Variants in BTG4 observed in about 807,000 individuals in gnomAD.
BTG4 encodes protein BTG4.
In BTG4, 10 loss-of-function variants were observed where a neutral mutation model predicts 19.3. The observed-to-expected ratio is 0.52, with a 90% CI of 0.32 to 0.88. The LOEUF (loss-of-function observed/expected upper bound fraction) is 0.88, where lower values mean the gene tolerates loss of function less well. Ranked by LOEUF, BTG4 falls within the 40% of genes least tolerant of loss-of-function variation. The pLI, the probability that BTG4 is intolerant of heterozygous loss-of-function variation, is 0.04. For synonymous variants in BTG4, 91 were observed against 95.7 expected (o/e 0.95, Z 0.29); for missense variants, 238 against 281.9 (o/e 0.84, Z 1.11).
the BTG4 span, among the ~76,000 whole-genome samples, chr11:111,437,736 C>T: frequency 1.1e-4 from 16 of 152,200 alleles, no homozygotes; most frequent in Non-Finnish European, 1.6e-4. Flanking sequence ...TCCCTCCACT[C>T]CTAGGCGACA....
the BTG4 span, among the ~76,000 whole-genome samples, chr11:111,420,310 G>T: frequency 6.6e-6 from 1 of 152,168 alleles, no homozygotes; most frequent in Non-Finnish European, 1.5e-5. Flanking sequence ...TCCACAGCAG[G>T]GTAGACCAAT....
chr11:111,445,489 C>T, the BTG4 span, among the ~76,000 whole-genome samples: 1,417 of 152,284 alleles, frequency 9.3e-3, 16 homozygotes, highest in Non-Finnish European at 0.015. Context: ...TTGTTATATA[C>T]GTGGCCCTAT....
chr11:111,472,227 C>G (rs1188981108), intron 5 of BTG4, among the ~76,000 whole-genome samples: 1 of 152,218 alleles, frequency 6.6e-6, no homozygotes, highest in Non-Finnish European at 1.5e-5. Flanking sequence ...ATATCTCACT[C>G]TCTTACCTAC....
chr11:111,471,067 A>G (rs932939418), intron 5 of BTG4, among the ~76,000 whole-genome samples: 1 of 152,236 alleles, frequency 6.6e-6, no homozygotes, highest in South Asian at 2.1e-4. Context: ...ACAAGAACAT[A>G]TCATGTTTCA....
the BTG4 span, among the ~76,000 whole-genome samples, chr11:111,442,033 T>A: frequency 1.3e-5 from 2 of 151,912 alleles, no homozygotes; most frequent in African/African-American, 4.8e-5. Flanking sequence ...TACTCCAGCC[T>A]GGGTGACAGA....
chr11:111,471,253 T>G (rs1451813073), intron 5 of BTG4, among the ~76,000 whole-genome samples: 1 of 152,190 alleles, frequency 6.6e-6, no homozygotes, highest in African/African-American at 2.4e-5. Context: ...TGAGACTAGA[T>G]TCTAGATTTC....
the BTG4 span, among the ~76,000 whole-genome samples, chr11:111,420,953 T>A: frequency 6.6e-6 from 1 of 152,186 alleles, no homozygotes; most frequent in African/African-American, 2.4e-5. Context: ...AGAAGGCTCC[T>A]TTGGGAAAGG....
chr11:111,514,724 G>A (rs1867149673), upstream of BTG4: 2 of 1,344,768 alleles, frequency 1.5e-6, no homozygotes, highest in South Asian at 2.6e-5. Context: ...TCTCGGAGGG[G>A]CGGGGCAGGG....
In BTG4 at chr11:111,485,489, A is replaced by G. The variant is rs552609051; in HGVS notation, c.662+9674T>C. ...TGTACAAACACATGGAAATTTTAAA[A>G]TATGCTCCTAACCGACCATGAGGTC... On this transcript the variant is annotated intron_variant, in intron 5 of 5. Coordinates refer to the BTG4 transcript ENST00000356018. Among the ~76,000 whole-genome samples the G allele has an allele frequency of 9.2e-5, 14 of 152,352 alleles. No homozygotes were observed. In the South Asian group the frequency reaches 2.9e-3, roughly 32 times the overall value.
chr11:111,453,052 C>G, the BTG4 span, among the ~76,000 whole-genome samples: 1 of 152,154 alleles, frequency 6.6e-6, no homozygotes, highest in Admixed American at 6.6e-5. Flanking sequence ...TTTCCCATGA[C>G]TGGAGCTGAG....
chr11:111,491,048 G>A (rs1865384728), downstream of BTG4, among the ~76,000 whole-genome samples: 1 of 152,164 alleles, frequency 6.6e-6, no homozygotes, highest in African/African-American at 2.4e-5. Context: ...CAACAATAAG[G>A]AATAAACTAC....
At chr11:111,484,992 G>C (rs1864969777) in intron 5 of BTG4, among the ~76,000 whole-genome samples, 1 of 152,082 alleles carries the variant, frequency 6.6e-6, no homozygotes, top group South Asian at 2.1e-4. Flanking sequence ...TAGATTTCAA[G>C]ACAAAAACTG....
At chr11:111,408,482 C>A in the BTG4 span, among the ~76,000 whole-genome samples, 12 of 152,208 alleles carry the variant, frequency 7.9e-5, no homozygotes, top group African/African-American at 2.9e-4. Context: ...GGACCACCTG[C>A]CTCCTCCAGC....
the BTG4 span, among the ~76,000 whole-genome samples, chr11:111,399,655 C>T: frequency 1.3e-5 from 2 of 152,296 alleles, no homozygotes; most frequent in South Asian, 2.1e-4. Context: ...CAGTTTTAAG[C>T]GGGCTTGGTC....
At position 111,495,111 on chromosome 11, in the gene BTG4, C is replaced by T; in HGVS notation, c.*24G>A. 6.6e-7 allele frequency: 1 copy of T among 1,507,312 alleles called. No individual in the cohort carries two copies. 93.4% of individuals were successfully genotyped at this position (1,507,312 alleles called of 1,614,324 possible). On this transcript the variant is annotated 3_prime_UTR_variant, in exon 5 of 5. Coordinates refer to ENST00000692032, the MANE Select transcript of BTG4 (RefSeq NM_001367975.1). Reference sequence around the variant, plus strand: ...ATAAAGGCACTCCTCTGAGCTCTTGCCCACCACGTGCCCAGTCGCTGCGTC... The same window carrying T: ...ATAAAGGCACTCCTCTGAGCTCTTGTCCACCACGTGCCCAGTCGCTGCGTC...
Position 111,511,091 on chromosome 11 carries a change from T to C in BTG4, c.-27+1090A>G, listed in dbSNP as rs555727219. Among the ~76,000 whole-genome samples the C allele has an allele frequency of 2.0e-5, 3 of 152,280 alleles. No homozygotes were observed. The South Asian group carries it at 6.2e-4, about 31-fold the overall frequency. On this transcript the variant is annotated intron_variant, in intron 1 of 4. Transcript: ENST00000692032. Reference sequence around the variant, plus strand: ...TATATTTAGGTGAATGTGAGTCATTTATGTAATGTGTGCTAAAACACCGTG... The same window carrying C: ...TATATTTAGGTGAATGTGAGTCATTCATGTAATGTGTGCTAAAACACCGTG...
At chr11:111,419,539 T>G in the BTG4 span, among the ~76,000 whole-genome samples, 2 of 152,216 alleles carry the variant, frequency 1.3e-5, no homozygotes, top group Non-Finnish European at 2.9e-5. Context: ...CATGTCTCCC[T>G]TGGGACTAGG....
Position 111,498,797 on chromosome 11 carries a change from G to T in BTG4, c.-21C>A. 5 of 1,587,356 alleles carry T rather than the reference G, an allele frequency of 3.1e-6. 1 individual carries two copies. In the South Asian group the frequency reaches 5.7e-5, roughly 18 times the overall value. ...CTCATGATTCAAGAAAAATAGATAA[G>T]GAGGTCTGAATCATTAAAAGGAAGC... is the stretch of plus-strand genomic sequence containing the variant. On this transcript the variant is annotated 5_prime_UTR_variant, in exon 2 of 5. Coordinates refer to ENST00000692032, the MANE Select transcript of BTG4 (RefSeq NM_001367975.1).
At chr11:111,453,331 T>C in the BTG4 span, 1 of 372,932 alleles carries the variant, frequency 2.7e-6, no homozygotes, top group Admixed American at 2.9e-5. Context: ...GCGACCTGTT[T>C]CCTTTCAGAG....
Sources: gnomAD v4.1 joint callset for allele counts (sites outside exome capture counted in the v4.1 genomes callset) on GRCh38, gnomAD v4.1.1 for gene constraint, MANE v1.5 for transcripts, NCBI Gene and HGNC (gene_info 2026-07-23, HGNC 2026-07-21) for gene names.